The following PPP1R9A variants were observed in gnomAD, a reference collection of about 807,000 sequenced individuals.
PPP1R9A encodes protein phosphatase 1 regulatory subunit 9A, also known as neurabin-1.
A neutral mutation model predicts 141.9 loss-of-function variants in PPP1R9A; 59 were observed. The observed-to-expected ratio is 0.42, with a 90% CI of 0.34 to 0.52. The LOEUF (loss-of-function observed/expected upper bound fraction) is 0.52. Ranked by LOEUF, PPP1R9A falls within the 20% of genes least tolerant of loss-of-function variation. PPP1R9A has a pLI of 0.10. For missense variants in PPP1R9A, 1,444 were observed against 1,611.9 expected (o/e 0.90, Z 1.78); for synonymous variants, 500 against 569.7 (o/e 0.88, Z 1.74).
chr7:95,225,992 A>T lies in PPP1R9A; in HGVS notation c.1988A>T (p.Asp663Val). The T allele has an allele frequency of 2.5e-6, 4 of 1,611,854 alleles. No homozygotes were observed. Among genetic ancestry groups the T allele is most frequent in the Non-Finnish European group, 3.4e-6 (4 of 1,178,312 alleles). Residue 663 changes from aspartate to valine, a missense_variant, in exon 8 of 20, where the codon GAT (aspartate) becomes GTT (valine). Physicochemically the swap from Asp to Val is radical, Grantham distance 152 (BLOSUM62 -3). This residue lies in a region of PPP1R9A where 488 missense variants were observed against 542.0 expected (regional missense o/e 0.90). Transcript: ENST00000433360. The part of the protein sequence containing the change: ...TGEYATDEEE[D>V]EVGPVLPGSD... ...GAATATGCCACAGATGAAGAAGAAGATGAGGTAGGACCTGTCCTTCCTGGC... is the reference window on the plus strand; with the variant it reads ...GAATATGCCACAGATGAAGAAGAAGTTGAGGTAGGACCTGTCCTTCCTGGC...
chr7:95,042,951 G>A (rs773132118), intron 2 of PPP1R9A, among the ~76,000 whole-genome samples: 7 of 151,532 alleles, frequency 4.6e-5, no homozygotes, highest in African/African-American at 9.7e-5. Context: ...CAGATTTTAG[G>A]TACTCCATTT....
intron 2 of PPP1R9A, among the ~76,000 whole-genome samples, chr7:95,011,874 T>C (rs854735): frequency 0.61 from 93,290 of 152,042 alleles, 29,691 homozygotes; most frequent in African/African-American, 0.77. Context: ...AGTGGACTGA[T>C]GTGCTATGTC....
intron 2 of PPP1R9A, among the ~76,000 whole-genome samples, chr7:95,005,574 A>T (rs1294060423): frequency 6.6e-6 from 1 of 152,208 alleles, no homozygotes; most frequent in Non-Finnish European, 1.5e-5. Flanking sequence ...ATGGTTTTAA[A>T]TTACAAACTC....
intron 4 of PPP1R9A, among the ~76,000 whole-genome samples, chr7:95,121,949 A>G (rs1822689160): frequency 6.6e-6 from 1 of 152,192 alleles, no homozygotes; most frequent in African/African-American, 2.4e-5. Flanking sequence ...TTCAAACCAT[A>G]GCAGTTGGCA....
intron 2 of PPP1R9A, among the ~76,000 whole-genome samples, chr7:95,047,733 A>G (rs148706815): frequency 2.0e-5 from 3 of 152,274 alleles, no homozygotes; most frequent in East Asian, 3.9e-4. Flanking sequence ...ATTGGGGACC[A>G]CTTTATCTTT....
chr7:95,161,840 G>A (rs1226929368), intron 4 of PPP1R9A, 27 bp from the exon 5 acceptor site: 2 of 1,418,670 alleles, frequency 1.4e-6, no homozygotes, highest in Admixed American at 1.9e-5. Flanking sequence ...TGTAATTTAT[G>A]TGGGTAATTT....
chr7:95,218,216 T>TC (rs773915177), intron 7 of PPP1R9A, among the ~76,000 whole-genome samples: 101 of 152,330 alleles, frequency 6.6e-4, no homozygotes, highest in Non-Finnish European at 1.2e-3. Context: ...TGCCTTCACT[T>TC]CCTTACGTAC....
chr7:95,275,301 G>A (rs981705880), intron 16 of PPP1R9A, among the ~76,000 whole-genome samples: 1 of 151,856 alleles, frequency 6.6e-6, no homozygotes, highest in African/African-American at 2.4e-5. Flanking sequence ...CCAGCTACTC[G>A]GGAGGCTGAG....
At chr7:95,278,067 G>A (rs1803524863) in intron 16 of PPP1R9A, among the ~76,000 whole-genome samples, 1 of 152,206 alleles carries the variant, frequency 6.6e-6, no homozygotes, top group Admixed American at 6.5e-5. Flanking sequence ...CAAGTAGAAA[G>A]TGTGAACAAC....
chr7:95,157,287 T>C (rs1463930034), intron 4 of PPP1R9A, among the ~76,000 whole-genome samples: 1 of 152,000 alleles, frequency 6.6e-6, no homozygotes, highest in Non-Finnish European at 1.5e-5. Flanking sequence ...GATACCTGGG[T>C]CTGCAGCCGC....
chr7:95,238,912 A>G (rs1435856838), intron 8 of PPP1R9A, among the ~76,000 whole-genome samples: 2 of 152,148 alleles, frequency 1.3e-5, no homozygotes, highest in Admixed American at 6.6e-5. Flanking sequence ...TCATCACTTC[A>G]TAAATAGTCT....
intron 2 of PPP1R9A, among the ~76,000 whole-genome samples, chr7:95,028,643 G>A (rs967364093): frequency 1.1e-4 from 17 of 152,108 alleles, no homozygotes; most frequent in African/African-American, 4.1e-4. Context: ...AAGTGGGGAA[G>A]TTTTTGAAAA....
At chr7:95,103,534 A>G (rs560911505) in intron 2 of PPP1R9A, among the ~76,000 whole-genome samples, 1 of 151,524 alleles carries the variant, frequency 6.6e-6, no homozygotes, top group Non-Finnish European at 1.5e-5. Flanking sequence ...CGCCCAGCTA[A>G]TTTTTTTGTA....
At chr7:95,068,419 G>A (rs551567581) in intron 2 of PPP1R9A, among the ~76,000 whole-genome samples, 25 of 137,286 alleles carry the variant, frequency 1.8e-4, no homozygotes, top group African/African-American at 5.9e-4. Flanking sequence ...GCGGTGAGCC[G>A]AGATCGCACC....
intron 2 of PPP1R9A, among the ~76,000 whole-genome samples, chr7:94,984,320 T>C (rs1015398426): frequency 6.6e-6 from 1 of 152,200 alleles, no homozygotes; most frequent in African/African-American, 2.4e-5. Context: ...TGCCAGGCTT[T>C]GGTATCAGGG....
intron 2 of PPP1R9A, among the ~76,000 whole-genome samples, chr7:94,993,271 TTG>T (rs1207359443): frequency 6.6e-6 from 1 of 152,166 alleles, no homozygotes; most frequent in Non-Finnish European, 1.5e-5. Flanking sequence ...TCTATTTGTC[TTG>T]TGTTGATGCC....
chr7:95,279,019 C>A (rs2153068641), intron 16 of PPP1R9A, among the ~76,000 whole-genome samples: 1 of 152,252 alleles, frequency 6.6e-6, no homozygotes, highest in South Asian at 2.1e-4. Context: ...ATAAAAATGT[C>A]TATTGTTATC....
chr7:95,220,777 A>G (rs1306445684), intron 7 of PPP1R9A, among the ~76,000 whole-genome samples: 1 of 152,100 alleles, frequency 6.6e-6, no homozygotes, highest in Non-Finnish European at 1.5e-5. Flanking sequence ...GATGTCAGCT[A>G]TACAGTGGGA....
At chr7:94,998,937 G>A (rs1802524984) in intron 2 of PPP1R9A, among the ~76,000 whole-genome samples, 1 of 152,004 alleles carries the variant, frequency 6.6e-6, no homozygotes, top group African/African-American at 2.4e-5. Flanking sequence ...CAAATGTTTG[G>A]TAGAGACAGG....
Sources: gnomAD v4.1 joint callset for allele counts (sites outside exome capture counted in the v4.1 genomes callset) on GRCh38, gnomAD v4.1.1 for gene constraint, gnomAD v4.1.1 regional missense constraint, MANE v1.5 for transcripts, NCBI Gene and HGNC (gene_info 2026-07-23, HGNC 2026-07-21) for gene names.